Variants in ALPK1 observed in about 807,000 individuals in gnomAD.
ALPK1 encodes the protein alpha-protein kinase 1.
Under a neutral mutation model 120.6 loss-of-function variants are expected in ALPK1, and 110 were observed. The ratio of observed to expected loss-of-function variants is 0.91; its 90% CI spans 0.78 to 1.07. ALPK1 has a LOEUF of 1.07. Ranked by LOEUF, ALPK1 falls within the 50% of genes least tolerant of loss-of-function variation. The pLI, the probability that ALPK1 is intolerant of heterozygous loss-of-function variation, is 0.00. For missense variants in ALPK1, 1,498 were observed against 1,483.9 expected (o/e 1.01, Z -0.16); for synonymous variants, 582 against 560.3 (o/e 1.04, Z -0.55).
intron 4 of ALPK1, among the ~76,000 whole-genome samples, chr4:112,406,594 C>A (rs1215068325): frequency 6.6e-6 from 1 of 152,174 alleles, no homozygotes; most frequent in Non-Finnish European, 1.5e-5. Flanking sequence ...CCTCTTTCAC[C>A]ACTAAACCAA....
At chr4:112,406,171 G>A (rs1318702796) in intron 4 of ALPK1, among the ~76,000 whole-genome samples, 1 of 152,114 alleles carries the variant, frequency 6.6e-6, no homozygotes, top group African/African-American at 2.4e-5. Flanking sequence ...AGAGATATTT[G>A]CACACCTATG....
At chr4:112,362,318 A>G (rs1424323329) in intron 2 of ALPK1, among the ~76,000 whole-genome samples, 1 of 152,248 alleles carries the variant, frequency 6.6e-6, no homozygotes, top group South Asian at 2.1e-4. Flanking sequence ...GGTGAAGTCC[A>G]GCTTAAGGAA....
At chr4:112,307,187 G>C (rs1301340340) in intron 1 of ALPK1, among the ~76,000 whole-genome samples, 2 of 152,070 alleles carry the variant, frequency 1.3e-5, no homozygotes, top group African/African-American at 4.8e-5. Flanking sequence ...GGTCAGTTTT[G>C]GAATAAGTGT....
At chr4:112,299,127 A>G (rs933518818) in intron 1 of ALPK1, among the ~76,000 whole-genome samples, 4 of 150,782 alleles carry the variant, frequency 2.7e-5, no homozygotes, top group African/African-American at 9.8e-5. Context: ...TATATGGGGG[A>G]GTCTTTGTTT....
intron 13 of ALPK1, among the ~76,000 whole-genome samples, chr4:112,439,403 C>A (rs1314310169): frequency 2.0e-5 from 3 of 152,162 alleles, no homozygotes; most frequent in South Asian, 4.1e-4. Flanking sequence ...GGACAGGTCA[C>A]GTCATGGCCT....
At position 112,305,230 on chromosome 4, in the gene ALPK1, T is replaced by C. The variant is rs955042289; in HGVS notation, c.-153+7761T>C. 1.0e-3 allele frequency among the ~76,000 whole-genome samples: 158 copies of C among 152,036 alleles called. 3 individuals are homozygous for C. The highest frequency in any genetic ancestry group is 9.9e-4 in the Non-Finnish European group (67 of 68,002). Reference sequence around the variant, plus strand: ...TTGGCTTAGGATTGTCTTGGTGATGTGGGCTCTTTTTTGGTTCCATATGAA... The same window carrying C: ...TTGGCTTAGGATTGTCTTGGTGATGCGGGCTCTTTTTTGGTTCCATATGAA... On this transcript the variant is annotated intron_variant, in intron 1 of 15. Transcript: ENST00000650871.
Position 112,431,564 on chromosome 4 carries a change from CCCTTCTCG to C in ALPK1, c.2021_2028del (p.Phe674SerfsTer2), listed in dbSNP as rs772017170. On this transcript the variant is annotated frameshift_variant, in exon 11 of 16. Coordinates refer to ENST00000650871, the MANE Select transcript of ALPK1 (RefSeq NM_025144.4). LOFTEE classifies it high-confidence loss of function. ...GCCACAGCAACAGATGCCCTTGACA[CCCTTCTCG>C]CCTCATAATACCCCAGGCATTTTCT... 18 of 1,614,206 alleles carry C rather than the reference CCCTTCTCG, an allele frequency of 1.1e-5. No individual in the cohort carries two copies. Among genetic ancestry groups the C allele is most frequent in the Non-Finnish European group, 1.5e-5 (18 of 1,180,044 alleles).
In ALPK1 at chr4:112,430,636, A is replaced by G; in HGVS notation, c.1089A>G (p.Thr363=). ...SFVKAAFGLT[T]VHRRLHGETG... The stretch of plus-strand genomic sequence containing the variant: ...TCAAAGCTGCTTTCGGTCTCACCAC[A>G]GTGCACAGAAGGCTCCATGGGGAGA... Residue 363 remains threonine (T), a synonymous_variant, in exon 11 of 16, where the codon ACA becomes ACG. Transcript: ENST00000650871. 1 of 1,614,152 alleles carries G rather than the reference A, an allele frequency of 6.2e-7. No individual in the cohort carries two copies. Among genetic ancestry groups the G allele is most frequent in the South Asian group, 1.1e-5 (1 of 91,072 alleles).
intron 4 of ALPK1, among the ~76,000 whole-genome samples, chr4:112,400,331 G>A (rs1008601160): frequency 2.0e-5 from 3 of 152,150 alleles, no homozygotes; most frequent in South Asian, 2.1e-4. Context: ...GAAACACATA[G>A]GTTCCAACTC....
At chr4:112,356,532 G>A in intron 2 of ALPK1, 1 of 855,192 alleles carries the variant, frequency 1.2e-6, no homozygotes, top group East Asian at 2.8e-5. Context: ...CCGGCCTGAG[G>A]TGTGTGTGCT....
At chr4:112,309,096 C>T (rs1372317448) in intron 1 of ALPK1, among the ~76,000 whole-genome samples, 4 of 152,122 alleles carry the variant, frequency 2.6e-5, no homozygotes, top group Non-Finnish European at 4.4e-5. Flanking sequence ...GCTGCCTGAT[C>T]GTTCCTCTGG....
chr4:112,304,477 C>G (rs1039454296), intron 1 of ALPK1, among the ~76,000 whole-genome samples: 36 of 152,032 alleles, frequency 2.4e-4, no homozygotes, highest in Non-Finnish European at 3.5e-4. Context: ...TTGTGGTTTT[C>G]ATTTGCATTT....
chr4:112,417,119 A>G (rs572435066), intron 5 of ALPK1, among the ~76,000 whole-genome samples: 6 of 152,310 alleles, frequency 3.9e-5, no homozygotes, highest in Non-Finnish European at 8.8e-5. Flanking sequence ...CAAAATTGTC[A>G]TTCAAAAGTG....
rs766343750 is a variant in ALPK1, at chr4:112,431,297, A to G, written c.1750A>G (p.Ser584Gly). 1.2e-6 allele frequency: 2 copies of G among 1,614,182 alleles called. No individual in the cohort carries two copies. The highest frequency in any genetic ancestry group is 2.2e-5 in the South Asian group (2 of 91,076). Reference protein sequence around the residue: ...LSGSQTSSAWSNLSGFSSSAS... With the variant: ...LSGSQTSSAWGNLSGFSSSAS... ...TGGCAGCCAGACTTCCAGTGCTTGG[A>G]GCAACTTATCAGGGTTTAGTTCCTC... Residue 584 changes from serine to glycine, a missense_variant, in exon 11 of 16, where the codon AGC becomes GGC. Coordinates refer to ENST00000650871, the MANE Select transcript of ALPK1 (RefSeq NM_025144.4).
chr4:112,313,630 C>T (rs571392270), intron 1 of ALPK1, among the ~76,000 whole-genome samples: 1 of 152,160 alleles, frequency 6.6e-6, no homozygotes, highest in African/African-American at 2.4e-5. Context: ...GGCTGAGGCA[C>T]AAGAATCGCT....
chr4:112,435,030 G>T, intron 11 of ALPK1, 118 bp from the exon 12 acceptor site: 1 of 958,934 alleles, frequency 1.0e-6, no homozygotes. Context: ...AGAGAAAAGT[G>T]TATAAAAAAG....
At position 112,430,615 on chromosome 4, in the gene ALPK1, AGCT is replaced by A; in HGVS notation, c.1072_1074del (p.Ala358del). 1 of 1,614,148 alleles carries A rather than the reference AGCT, an allele frequency of 6.2e-7. No individual in the cohort carries two copies. The highest frequency in any genetic ancestry group is 8.5e-7 in the Non-Finnish European group (1 of 1,180,002). On this transcript the variant is annotated inframe_deletion, in exon 11 of 16. Coordinates refer to ENST00000650871, the MANE Select transcript of ALPK1 (RefSeq NM_025144.4). ...AACAGGAGCTTCACAGCTTTGTCAA[AGCT>A]GCTTTCGGTCTCACCACAGTGCACA...
At chr4:112,375,180 CTTTTT>C (rs200078535) in intron 2 of ALPK1, among the ~76,000 whole-genome samples, 1 of 127,352 alleles carries the variant, frequency 7.9e-6, no homozygotes. Flanking sequence ...TGATGTTTTT[CTTTTT>C]TTTTTTTTTT....
Position 112,432,141 on chromosome 4 carries a change from G to A in ALPK1, c.2594G>A (p.Cys865Tyr). ...GQLLDSMDVP[C>Y]TNGHGSHRLC... ...CTGCTCGACAGCATGGATGTTCCCT[G>A]CACAAATGGGCACGGCTCTCATAGA... Residue 865 changes from cysteine to tyrosine, a missense_variant, in exon 11 of 16, where the codon TGC (cysteine) becomes TAC (tyrosine). Physicochemically the swap from Cys to Tyr is radical, Grantham distance 194. Coordinates refer to ENST00000650871, the MANE Select transcript of ALPK1 (RefSeq NM_025144.4). 1 of 1,614,212 alleles carries A rather than the reference G, an allele frequency of 6.2e-7. No homozygotes were observed. The highest frequency in any genetic ancestry group is 8.5e-7 in the Non-Finnish European group (1 of 1,180,034).
Sources: gnomAD v4.1 joint callset for allele counts (sites outside exome capture counted in the v4.1 genomes callset) on GRCh38, gnomAD v4.1.1 for gene constraint, MANE v1.5 for transcripts, NCBI Gene and HGNC (gene_info 2026-07-23, HGNC 2026-07-21) for gene names.